The following IL12B variants were observed in gnomAD, a reference collection of about 807,000 sequenced individuals.
IL12B encodes the protein interleukin 12B.
A neutral mutation model predicts 39.2 loss-of-function variants in IL12B; 27 were observed. The observed-to-expected ratio is 0.69, with a 90% CI of 0.51 to 0.95. IL12B has a LOEUF of 0.95. Among genes scored for constraint, IL12B ranks in the 40% least tolerant of loss-of-function variants. The pLI, the probability that IL12B is intolerant of heterozygous loss-of-function variation, is 0.00. For synonymous variants in IL12B, 142 were observed against 152.1 expected (o/e 0.93, Z 0.49); for missense variants, 351 against 397.6 (o/e 0.88, Z 1.00).
At chr5:159,326,337 A>G (rs909509002) in intron 2 of IL12B, among the ~76,000 whole-genome samples, 8 of 152,248 alleles carry the variant, frequency 5.3e-5, no homozygotes, top group Non-Finnish European at 1.2e-4. Flanking sequence ...TGGTGGAATG[A>G]GAAACGAACA....
intron 4 of IL12B, 129 bp from the exon 5 acceptor site, chr5:159,320,649 C>T: frequency 1.3e-6 from 1 of 786,858 alleles, no homozygotes; most frequent in Non-Finnish European, 2.2e-6. Flanking sequence ...GGGCTGATTT[C>T]TACCCAGAGG....
intron 2 of IL12B, among the ~76,000 whole-genome samples, chr5:159,323,601 A>T (rs1356164768): frequency 6.6e-6 from 1 of 152,204 alleles, no homozygotes; most frequent in Non-Finnish European, 1.5e-5. Context: ...CAGATTGGAA[A>T]CACCTTAATA....
intron 6 of IL12B, among the ~76,000 whole-genome samples, chr5:159,318,520 T>C (rs1562111590): frequency 6.6e-6 from 1 of 152,224 alleles, no homozygotes; most frequent in Non-Finnish European, 1.5e-5. Context: ...CCATAAAGCC[T>C]AGAAGCGTAG....
rs1414033794 is a variant in IL12B at position 159,315,713 on chromosome 5, A to G, written c.*388T>C. 1 of 152,818 alleles carries G rather than the reference A, an allele frequency of 6.5e-6. No homozygotes were observed. The highest frequency in any genetic ancestry group is 6.5e-5 in the Admixed American group (1 of 15,294). 9.5% of individuals were successfully genotyped at this position (152,818 alleles called of 1,614,324 possible). The stretch of plus-strand genomic sequence containing the variant: ...GCCTTGCTTGAAAAGTTGTCAGTAC[A>G]AATAAAATTAAATTCACATTTTGCA... On this transcript the variant is annotated 3_prime_UTR_variant, in exon 8 of 8. Transcript: ENST00000231228.
chr5:159,316,142 A>G (rs1198158331), intron 7 of IL12B, 42 bp from the exon 8 acceptor site: 1 of 155,266 alleles, frequency 6.4e-6, no homozygotes, highest in Non-Finnish European at 1.4e-5. Context: ...TGACATTGTA[A>G]CAGCAATGTC....
intron 5 of IL12B, 89 bp downstream of exon 5, chr5:159,320,217 A>G: frequency 8.0e-6 from 9 of 1,122,022 alleles, no homozygotes; most frequent in Non-Finnish European, 1.2e-5. Flanking sequence ...ATGCTTGTCA[A>G]CCACCTACCC....
intron 2 of IL12B, among the ~76,000 whole-genome samples, chr5:159,323,902 GA>G (rs71577371): frequency 0.024 from 3,376 of 138,132 alleles, 97 homozygotes; most frequent in African/African-American, 0.071. Context: ...AGGATTAAAT[GA>G]AAAAAAAAAA....
chr5:159,322,965 T>C (rs929721245), intron 3 of IL12B, 89 bp downstream of exon 3: 16 of 1,261,540 alleles, frequency 1.3e-5, no homozygotes, highest in Non-Finnish European at 1.9e-5. Context: ...ACACTCACCA[T>C]GACTTGGCTT....
chr5:159,330,355 A>ACACTAACGG (rs1204168116), intron 1 of IL12B, 77 bp downstream of exon 1: 2 of 152,148 alleles, frequency 1.3e-5, no homozygotes, highest in African/African-American at 4.8e-5. Context: ...CTGGGGTAGC[A>ACACTAACGG]CACTAACGGT....
rs1240070873 is a variant in IL12B, at chr5:159,322,520, G to GA, written c.365-10dup. ...GGTCTTATTTTTGGGTTCTGGATTT[G>GA]AAAAAAACAAAAATTCAATATTTAG... is the stretch of plus-strand genomic sequence containing the variant. On this transcript the variant is annotated splice_polypyrimidine_tract_variant and intron_variant, in intron 3 of 7. Coordinates refer to ENST00000231228, the MANE Select transcript of IL12B (RefSeq NM_002187.3). 4.5e-6 allele frequency: 7 copies of GA among 1,564,178 alleles called. No homozygotes were observed. The highest frequency in any genetic ancestry group is 1.7e-5 in the Admixed American group (1 of 59,912).
In IL12B at chr5:159,326,749, A is replaced by G. The variant is rs1328015123; in HGVS notation, c.34T>C (p.Ser12Pro). Residue 12 changes from serine to proline, a missense_variant, in exon 2 of 8, where the codon TCC becomes CCC. Ser to Pro is a moderately conservative substitution (Grantham distance 74, BLOSUM62 -1). Transcript: ENST00000231228. The stretch of plus-strand genomic sequence containing the variant: ...AGGGGAGATGCCAGAAAAACCAGGG[A>G]AAACCAAGAGATGACCAACTGCTGG... ...CHQQLVISWF[S>P]LVFLASPLVA... 6.2e-7 allele frequency: 1 copy of G among 1,613,486 alleles called. No homozygotes were observed. Among genetic ancestry groups the G allele is most frequent in the Non-Finnish European group, 8.5e-7 (1 of 1,179,430 alleles).
rs1322694189 is a variant in IL12B, at chr5:159,318,912, A to G, written c.698-19T>C. 1 of 1,610,786 alleles carries G rather than the reference A, an allele frequency of 6.2e-7. No individual in the cohort carries two copies. Among genetic ancestry groups the G allele is most frequent in the Non-Finnish European group, 8.5e-7 (1 of 1,177,646 alleles). On this transcript the variant is annotated intron_variant, in intron 5 of 7. Transcript: ENST00000231228. ...GGTTTGACTGTGGAAGAGGATAAAC[A>G]TGCTTTATTTTCCTAATAAGGCTTT... is the stretch of plus-strand genomic sequence containing the variant.
intron 5 of IL12B, 136 bp from the exon 6 acceptor site, chr5:159,319,029 C>T: frequency 1.2e-6 from 1 of 804,670 alleles, no homozygotes; most frequent in East Asian, 2.7e-5. Context: ...GAGCACCTGG[C>T]TGGCAAATGT....
chr5:159,329,227 G>T (rs1754239349), intron 1 of IL12B, among the ~76,000 whole-genome samples: 1 of 152,054 alleles, frequency 6.6e-6, no homozygotes, highest in African/African-American at 2.4e-5. Context: ...TATTATTAAA[G>T]AATAAAAAGA....
At chr5:159,323,008 T>A in intron 3 of IL12B, 46 bp downstream of exon 3, 1 of 1,587,778 alleles carries the variant, frequency 6.3e-7, no homozygotes, top group Non-Finnish European at 8.6e-7. Flanking sequence ...TTTTAACTCT[T>A]ATGAGCGAAA....
At chr5:159,330,251 A>G (rs113249006) in intron 1 of IL12B, among the ~76,000 whole-genome samples, 181 bp downstream of exon 1, 3 of 152,218 alleles carry the variant, frequency 2.0e-5, no homozygotes, top group African/African-American at 4.8e-5. Context: ...GACACTGTAC[A>G]TCGGTCCCTA....
At position 159,314,917 on chromosome 5, in the gene IL12B, A is replaced by G. The variant is rs1478547243; in HGVS notation, c.*1184T>C. On this transcript the variant is annotated 3_prime_UTR_variant, in exon 8 of 8. Coordinates refer to ENST00000231228, the MANE Select transcript of IL12B (RefSeq NM_002187.3). ...TTAAAAGTAGCACCTTCATGGAGCCATATTTTCTGGTCATAATTGTGTATC... is the reference window on the plus strand; with the variant it reads ...TTAAAAGTAGCACCTTCATGGAGCCGTATTTTCTGGTCATAATTGTGTATC... 1 of 152,368 alleles carries G rather than the reference A, an allele frequency of 6.6e-6. No individual in the cohort carries two copies. Among genetic ancestry groups the G allele is most frequent in the Non-Finnish European group, 1.5e-5 (1 of 68,046 alleles). The allele number at this position is 152,368 out of a possible 1,614,324, so 9.4% of individuals were successfully genotyped here. A position where few individuals can be genotyped will look rare whatever the true frequency, so the allele number is the denominator to read the frequency against.
chr5:159,316,808 T>G lies in IL12B; in HGVS notation c.864A>C (p.Arg288Ser). Residue 288 changes from arginine (R) to serine (S), a missense_variant, in exon 7 of 8, where the codon AGA (arginine) becomes AGC (serine). Transcript: ENST00000231228. The stretch of plus-strand genomic sequence containing the variant: ...TGGCTGAGGTCTTGTCCGTGAAGAC[T>G]CTATCTTTCTGCAAAAGAGAAGGAA... The part of the protein sequence containing the change: ...QGKSKREKKD[R>S]VFTDKTSATV... 1 of 1,614,012 alleles carries G rather than the reference T, an allele frequency of 6.2e-7. No individual in the cohort carries two copies. Among genetic ancestry groups the G allele is most frequent in the Non-Finnish European group, 8.5e-7 (1 of 1,180,014 alleles).
At chr5:159,319,321 G>T (rs892270791) in intron 5 of IL12B, among the ~76,000 whole-genome samples, 1 of 152,204 alleles carries the variant, frequency 6.6e-6, no homozygotes, top group Non-Finnish European at 1.5e-5. Flanking sequence ...TCTATTTACT[G>T]CCCTTTCTTT....
Sources: allele counts gnomAD v4.1 joint callset (sites outside exome capture counted in the v4.1 genomes callset), GRCh38; gene constraint gnomAD v4.1.1; transcripts MANE v1.5; gene names NCBI Gene and HGNC (gene_info 2026-07-23, HGNC 2026-07-21).